Variants in GRID1 observed in about 807,000 individuals in gnomAD.
The protein encoded by GRID1 is glutamate ionotropic receptor delta type subunit 1, also known as glutamate receptor ionotropic, delta-1.
In GRID1, 28 loss-of-function variants were observed where a neutral mutation model predicts 98.0. That is an observed-to-expected ratio of 0.29 (90% CI 0.21 to 0.39). The LOEUF (loss-of-function observed/expected upper bound fraction) is 0.39, where lower values mean the gene tolerates loss of function less well. GRID1 is among the 10% of genes least tolerant of loss of function. The pLI is 1.00. For synonymous variants in GRID1, 553 were observed against 538.5 expected, an observed-to-expected ratio of 1.03 and a Z score of -0.37; for missense variants, 1,111 against 1,340.5, an observed-to-expected ratio of 0.83 and a Z score of 2.67.
At chr10:85,872,524 G>C (rs941767062) in intron 5 of GRID1, among the ~76,000 whole-genome samples, 3 of 152,214 alleles carry the variant, frequency 2.0e-5, no homozygotes, top group African/African-American at 7.2e-5. Context: ...GAAATCTGTA[G>C]TGGAGTTGAC....
Position 86,184,332 on chromosome 10 carries a change from G to C in GRID1, c.520+22032C>G, listed in dbSNP as rs78415972. On this transcript the variant is annotated intron_variant, in intron 3 of 15. Transcript: ENST00000327946. ...ATCTAAGAAATCTTTGCCTAACCTA[G>C]GGTCACAATGATTTTCCACTGTGTT... 1.3e-5 allele frequency among the ~76,000 whole-genome samples: 2 copies of C among 151,972 alleles called. 1 individual carries two copies. The highest frequency in any genetic ancestry group is 1.3e-4 in the Admixed American group (2 of 15,258).
intron 4 of GRID1, among the ~76,000 whole-genome samples, chr10:85,964,008 C>A (rs868121575): frequency 1.1e-4 from 17 of 152,150 alleles, no homozygotes; most frequent in Middle Eastern, 3.4e-3. Flanking sequence ...AACAGAGAGC[C>A]AAATCATGAG....
At chr10:86,356,456 C>T (rs1451705023) in intron 2 of GRID1, among the ~76,000 whole-genome samples, 1 of 152,230 alleles carries the variant, frequency 6.6e-6, no homozygotes, top group Non-Finnish European at 1.5e-5. Context: ...TCCCTTGTGA[C>T]TGGCTGTGGC....
intron 2 of GRID1, among the ~76,000 whole-genome samples, chr10:86,306,855 G>A (rs945030343): frequency 2.0e-5 from 3 of 152,330 alleles, no homozygotes; most frequent in African/African-American, 4.8e-5. Context: ...TCTTCCTGGC[G>A]CTGTCCGAGG....
rs937961248 is a variant in GRID1 at position 86,027,834 on chromosome 10, C to A, written c.726+110985G>T. 1.6e-4 allele frequency among the ~76,000 whole-genome samples: 25 copies of A among 152,336 alleles called. 1 individual carries two copies. The highest frequency in any genetic ancestry group is 5.5e-4 in the African/African-American group (23 of 41,578). ...AAAATCAACACTCACATTATCACAA[C>A]AGTCATTACAGAAACTGCTCATCAT... On this transcript the variant is annotated intron_variant, in intron 4 of 15. Coordinates refer to ENST00000327946, the MANE Select transcript of GRID1 (RefSeq NM_017551.3).
intron 8 of GRID1, among the ~76,000 whole-genome samples, chr10:85,829,736 C>A (rs1842851118): frequency 6.6e-6 from 1 of 152,054 alleles, no homozygotes; most frequent in African/African-American, 2.4e-5. Flanking sequence ...AGAAATAAAG[C>A]TAACTAAAGA....
At chr10:85,848,766 A>G (rs2131776627) in intron 8 of GRID1, among the ~76,000 whole-genome samples, 1 of 152,300 alleles carries the variant, frequency 6.6e-6, no homozygotes, top group Middle Eastern at 3.4e-3. Flanking sequence ...GAAATACTTG[A>G]TTGCATCTTT....
chr10:86,053,252 G>A (rs1589353071), intron 4 of GRID1, among the ~76,000 whole-genome samples: 1 of 152,170 alleles, frequency 6.6e-6, no homozygotes, highest in Non-Finnish European at 1.5e-5. Context: ...AAAAACAAAA[G>A]TTATTTACAA....
Position 86,206,351 on chromosome 10 carries a change from C to T in GRID1, c.520+13G>A. 2.5e-6 allele frequency: 4 copies of T among 1,579,170 alleles called. No individual in the cohort carries two copies. Among genetic ancestry groups the T allele is most frequent in the Middle Eastern group, 1.7e-4 (1 of 5,938 alleles). On this transcript the variant is annotated intron_variant, in intron 3 of 15. Transcript: ENST00000327946. The surrounding 1 kb of genome is among the most constrained non-coding windows in gnomAD (Gnocchi z 4.1). ...TCCCCAAGCAGCCCCAGCTCGCCTG[C>T]CGGACAACTCACCATACTCGCTGTC...
At chr10:86,231,506 G>C (rs1018019156) in intron 2 of GRID1, among the ~76,000 whole-genome samples, 1 of 152,154 alleles carries the variant, frequency 6.6e-6, no homozygotes, top group Non-Finnish European at 1.5e-5. Context: ...GAACCAGGCA[G>C]GCCCATGGCC....
chr10:85,861,485 A>T (rs571444011), intron 6 of GRID1, among the ~76,000 whole-genome samples: 2 of 152,220 alleles, frequency 1.3e-5, no homozygotes, highest in African/African-American at 4.8e-5. Flanking sequence ...TGCCCCTAGG[A>T]TGTTTCATAA....
At chr10:85,750,100 A>C (rs1159992281) in intron 8 of GRID1, among the ~76,000 whole-genome samples, 1 of 152,212 alleles carries the variant, frequency 6.6e-6, no homozygotes, top group African/African-American at 2.4e-5. Context: ...GCACTCAATA[A>C]AAATGAATGA....
At position 85,824,808 on chromosome 10, in the gene GRID1, C is replaced by G. The variant is rs139376096; in HGVS notation, c.1233+29688G>C. On this transcript the variant is annotated intron_variant, in intron 8 of 15. Transcript: ENST00000327946. ...TAATTGAGAATGTATATTTGGTTTTCCATTTCTGAGTTAACTTCACTTAGA... is the reference window on the plus strand; with the variant it reads ...TAATTGAGAATGTATATTTGGTTTTGCATTTCTGAGTTAACTTCACTTAGA... Among the ~76,000 whole-genome samples the G allele has an allele frequency of 1.8e-3, 269 of 152,210 alleles. 2 individuals are homozygous for G. Among genetic ancestry groups the G allele is most frequent in the African/African-American group, 5.3e-3 (219 of 41,540 alleles).
intron 4 of GRID1, among the ~76,000 whole-genome samples, chr10:86,094,987 T>C (rs1231172578): frequency 1.3e-5 from 2 of 152,060 alleles, no homozygotes; most frequent in African/African-American, 4.8e-5. Flanking sequence ...GGTACTGATA[T>C]AAAAATAGGC....
At position 86,240,532 on chromosome 10, in the gene GRID1, G is replaced by T. The variant is rs911830269; in HGVS notation, c.236-33884C>A. ...AAGCAGGTGCTGAAAAAGAGCTGTG[G>T]CTATTGTACGCAAGAGGGCAAGATA... is the stretch of plus-strand genomic sequence containing the variant. On this transcript the variant is annotated intron_variant, in intron 2 of 15. Coordinates refer to ENST00000327946, the MANE Select transcript of GRID1 (RefSeq NM_017551.3). Among the ~76,000 whole-genome samples the T allele has an allele frequency of 1.6e-4, 24 of 149,508 alleles. 1 individual carries two copies. Among genetic ancestry groups the T allele is most frequent in the Middle Eastern group, 3.4e-3 (1 of 292 alleles).
intron 6 of GRID1, among the ~76,000 whole-genome samples, chr10:85,859,943 G>A (rs1843149457): frequency 6.6e-6 from 1 of 152,200 alleles, no homozygotes; most frequent in Admixed American, 6.5e-5. Context: ...GCCCTCTCCA[G>A]AGCCTGATAA....
intron 3 of GRID1, among the ~76,000 whole-genome samples, chr10:86,155,838 G>A (rs1252284113): frequency 6.6e-6 from 1 of 152,162 alleles, no homozygotes; most frequent in African/African-American, 2.4e-5. Context: ...TTGCCTCCAG[G>A]AAGCTCTGAA....
At chr10:86,120,364 G>T (rs1844647665) in intron 4 of GRID1, among the ~76,000 whole-genome samples, 2 of 152,114 alleles carry the variant, frequency 1.3e-5, no homozygotes, top group South Asian at 4.1e-4. Flanking sequence ...GCCTTATTTT[G>T]CCCCAGGACA....
At chr10:86,048,428 A>G (rs1005022779) in intron 4 of GRID1, among the ~76,000 whole-genome samples, 10 of 152,324 alleles carry the variant, frequency 6.6e-5, no homozygotes, top group Admixed American at 4.6e-4. Flanking sequence ...CAAAACTCCA[A>G]TACCTGCAAT....
Sources: allele counts gnomAD v4.1 joint callset (sites outside exome capture counted in the v4.1 genomes callset), GRCh38; gene constraint gnomAD v4.1.1; non-coding constraint Gnocchi (gnomAD v3.1); transcripts MANE v1.5; gene names NCBI Gene and HGNC (gene_info 2026-07-23, HGNC 2026-07-21).